ABCC5: variants seen among roughly 807,000 people sequenced by gnomAD.
ABCC5 encodes ATP-binding cassette sub-family C member 5.
Under a neutral mutation model 160.9 loss-of-function variants are expected in ABCC5, and 61 were observed. The ratio of observed to expected loss-of-function variants is 0.38; its 90% CI spans 0.31 to 0.47. ABCC5 has a LOEUF of 0.47. ABCC5 is among the 20% of genes least tolerant of loss of function. ABCC5 has a pLI of 0.99. For missense variants in ABCC5, 1,308 were observed against 1,813.3 expected (o/e 0.72, Z 5.06); for synonymous variants, 666 against 700.6 (o/e 0.95, Z 0.78).
intron 27 of ABCC5, among the ~76,000 whole-genome samples, chr3:183,928,404 G>A (rs1366337147): frequency 2.0e-5 from 3 of 152,138 alleles, no homozygotes; most frequent in African/African-American, 7.2e-5. Context: ...GAGCCACTGC[G>A]CCCGGCCACG....
Position 183,959,847 on chromosome 3 carries a change from T to TAA in ABCC5, c.2380-14_2380-13dup. 2.1e-6 allele frequency: 3 copies of TAA among 1,462,412 alleles called. No homozygotes were observed. The highest frequency in any genetic ancestry group is 2.6e-5 in the South Asian group (2 of 78,148). 90.6% of individuals were successfully genotyped at this position (1,462,412 alleles called of 1,614,324 possible). A position where few individuals can be genotyped will look rare whatever the true frequency, so the allele number is the denominator to read the frequency against. ...TTTTTTGAATTGATCTAATAATATT[T>TAA]AAAAAAAAAAGTCTCCAGTCATGTT... On this transcript the variant is annotated splice_polypyrimidine_tract_variant and intron_variant, in intron 16 of 29. Transcript: ENST00000334444.
rs1452321063 is a variant in ABCC5, at chr3:183,982,605, T to G, written c.845A>C (p.Asn282Thr). 1 of 1,614,164 alleles carries G rather than the reference T, an allele frequency of 6.2e-7. No homozygotes were observed. Among genetic ancestry groups the G allele is most frequent in the South Asian group, 1.1e-5 (1 of 91,082 alleles). Residue 282 changes from asparagine to threonine, a missense_variant, in exon 7 of 30, where the codon AAC becomes ACC. Physicochemically the swap from Asn to Thr is moderately conservative, Grantham distance 65. Around this residue, in one of 3 missense-constraint regions of ABCC5, gnomAD observed 1,142 missense variants for 1,527.1 expected, o/e 0.75. Transcript: ENST00000334444. This position sits in a 1 kb window ranked among gnomAD's most constrained non-coding sequence, Gnocchi z 5.2. ...TGCCTCAAACATTCTCTGCCCATCGTTGGAGCAAATGTTGATGAGCTATAA... is the reference window on the plus strand; with the variant it reads ...TGCCTCAAACATTCTCTGCCCATCGGTGGAGCAAATGTTGATGAGCTATAA... The part of the protein sequence containing the change: ...SLGELINICS[N>T]DGQRMFEAAA...
chr3:183,969,765 T>G (rs1010221963), intron 11 of ABCC5, among the ~76,000 whole-genome samples: 3 of 152,104 alleles, frequency 2.0e-5, no homozygotes, highest in African/African-American at 4.8e-5. Flanking sequence ...ACTCATAGTT[T>G]CAAGTGGTGT....
At chr3:183,976,080 T>C (rs1718188688) in intron 10 of ABCC5, among the ~76,000 whole-genome samples, 1 of 151,108 alleles carries the variant, frequency 6.6e-6, no homozygotes, top group Non-Finnish European at 1.5e-5. Flanking sequence ...CCATTTTTTT[T>C]CATATGACTC....
intron 12 of ABCC5, among the ~76,000 whole-genome samples, chr3:183,966,514 C>T (rs1254012831): frequency 6.6e-6 from 1 of 152,230 alleles, no homozygotes; most frequent in Non-Finnish European, 1.5e-5. Flanking sequence ...TCAACCTAAC[C>T]ACTGCCTAGT....
In ABCC5 at chr3:183,953,184, A is replaced by AG; in HGVS notation, c.2568dup (p.Ala858GlyfsTer46). On this transcript the variant is annotated frameshift_variant, in exon 18 of 30. Coordinates refer to ENST00000334444, the MANE Select transcript of ABCC5 (RefSeq NM_005688.4). LOFTEE classifies it high-confidence loss of function. ...AGGGCCATAATAACCAGGAATGCCA[A>AG]GGGGCCCCCAGCAGCCTGGATGTAG... 6.2e-7 allele frequency: 1 copy of AG among 1,614,198 alleles called. No individual in the cohort carries two copies. The highest frequency in any genetic ancestry group is 8.5e-7 in the Non-Finnish European group (1 of 1,180,028).
At position 183,952,019 on chromosome 3, in the gene ABCC5, G is replaced by A. The variant is rs142210413; in HGVS notation, c.2668-16C>T. 165 of 1,600,776 alleles carry A rather than the reference G, an allele frequency of 1.0e-4. No individual in the cohort carries two copies. The highest frequency in any genetic ancestry group is 2.5e-4 in the Admixed American group (15 of 59,818). On this transcript the variant is annotated splice_polypyrimidine_tract_variant and intron_variant, in intron 18 of 29. Transcript: ENST00000334444. ...CAGTGGTGTTCTGTTTGAAGCCAAA[G>A]TTCTATGAGGCCAGACTCCTAACGA...
chr3:183,986,841 T>C (rs1719261588), intron 5 of ABCC5: 1 of 152,194 alleles, frequency 6.6e-6, no homozygotes, highest in African/African-American at 2.4e-5. Flanking sequence ...AGTATGTTAG[T>C]TGGTCAATTA....
intron 24 of ABCC5, among the ~76,000 whole-genome samples, chr3:183,943,928 T>A (rs1051203806): frequency 6.6e-6 from 1 of 152,190 alleles, no homozygotes; most frequent in Non-Finnish European, 1.5e-5. Context: ...AGAAGAGCTA[T>A]TACTAGATAC....
At chr3:183,924,102 G>A (rs940616528) in intron 29 of ABCC5, among the ~76,000 whole-genome samples, 1 of 141,618 alleles carries the variant, frequency 7.1e-6, no homozygotes, top group African/African-American at 2.7e-5. Flanking sequence ...TGCAACCTCC[G>A]CTGCCTCCCA....
rs1409953323 is a variant in ABCC5, at chr3:183,988,695, A to G, written c.320T>C (p.Phe107Ser). 8.7e-6 allele frequency: 14 copies of G among 1,614,210 alleles called. No individual in the cohort carries two copies. The highest frequency in any genetic ancestry group is 1.1e-5 in the Non-Finnish European group (13 of 1,180,028). Reference protein sequence around the residue: ...HQHPVDNAGLFSCMTFSWLSS... With the variant: ...HQHPVDNAGLSSCMTFSWLSS... ...AAGCCACGAAAAAGTCATACAGGAAAAAAGCCCAGCATTGTCCACTGGGTG... is the reference window on the plus strand; with the variant it reads ...AAGCCACGAAAAAGTCATACAGGAAGAAAGCCCAGCATTGTCCACTGGGTG... Residue 107 changes from phenylalanine to serine, a missense_variant, in exon 4 of 30, where the codon TTT becomes TCT. Physicochemically the swap from Phe to Ser is radical, Grantham distance 155. Coordinates refer to ENST00000334444, the MANE Select transcript of ABCC5 (RefSeq NM_005688.4). This position sits in a 1 kb window ranked among gnomAD's most constrained non-coding sequence, Gnocchi z 4.4.
chr3:183,938,531 T>A (rs1350677005), intron 25 of ABCC5, among the ~76,000 whole-genome samples: 6 of 152,120 alleles, frequency 3.9e-5, no homozygotes. Flanking sequence ...ACTCCTGATC[T>A]CGTGATCCGC....
intron 8 of ABCC5, among the ~76,000 whole-genome samples, chr3:183,979,530 A>G (rs1431248706): frequency 6.6e-6 from 1 of 152,232 alleles, no homozygotes; most frequent in Non-Finnish European, 1.5e-5. Context: ...CAACCCCCAT[A>G]TTAGCAAAGC....
At chr3:183,961,736 T>G in intron 15 of ABCC5, 82 bp from the exon 16 acceptor site, 15 of 1,534,070 alleles carry the variant, frequency 9.8e-6, no homozygotes, top group Non-Finnish European at 1.1e-5. Flanking sequence ...AGTAGTTCTC[T>G]ACAGGAGACG....
At chr3:184,000,193 T>C (rs375043318) in intron 2 of ABCC5, among the ~76,000 whole-genome samples, 48 of 151,310 alleles carry the variant, frequency 3.2e-4, no homozygotes, top group African/African-American at 1.1e-3. Flanking sequence ...ACCCCGCCTG[T>C]ACAAAAAAAT....
At position 183,959,743 on chromosome 3, in the gene ABCC5, C is replaced by A; in HGVS notation, c.2472G>T (p.Lys824Asn). 6.2e-7 allele frequency: 1 copy of A among 1,610,002 alleles called. No individual in the cohort carries two copies. The highest frequency in any genetic ancestry group is 1.1e-5 in the South Asian group (1 of 89,832). ...TGSVKKEKAV[K>N]PEEGQLVQLE... ...AAAAAAGGCCATTACCTTCCTCTGG[C>A]TTTACTGCTTTTTCCTTCTTTACTG... Residue 824 changes from lysine (K) to asparagine (N), a missense_variant, in exon 17 of 30, where the codon AAG becomes AAT. Coordinates refer to ENST00000334444, the MANE Select transcript of ABCC5 (RefSeq NM_005688.4).
chr3:183,985,005 G>T, intron 5 of ABCC5: 1 of 901,910 alleles, frequency 1.1e-6, no homozygotes, highest in Non-Finnish European at 1.7e-6. Flanking sequence ...GAGGAGCAGG[G>T]AAGGTAAAAG....
chr3:183,991,458 A>AACTTTG (rs1719762735), intron 2 of ABCC5, among the ~76,000 whole-genome samples: 2 of 152,224 alleles, frequency 1.3e-5, no homozygotes, highest in Non-Finnish European at 2.9e-5. Flanking sequence ...ACCAAAGAAC[A>AACTTTG]GCGGGAACTT....
In ABCC5 at chr3:183,963,316, A is replaced by T. The variant is rs74426779; in HGVS notation, c.2235+69T>A. On this transcript the variant is annotated intron_variant, in intron 15 of 29. Transcript: ENST00000334444. This position sits in a 1 kb window ranked among gnomAD's most constrained non-coding sequence, Gnocchi z 4.6. Reference sequence around the variant, plus strand: ...CTAGTTATAACACAAGGATACCTGGAGCAAACCTACCTCCCTGTTTCTGAT... The same window carrying T: ...CTAGTTATAACACAAGGATACCTGGTGCAAACCTACCTCCCTGTTTCTGAT... 1.3e-6 allele frequency: 2 copies of T among 1,533,166 alleles called. No individual in the cohort carries two copies. Among genetic ancestry groups the T allele is most frequent in the Non-Finnish European group, 1.8e-6 (2 of 1,107,234 alleles). 95.0% of individuals were successfully genotyped at this position (1,533,166 alleles called of 1,614,324 possible). A position where few individuals can be genotyped will look rare whatever the true frequency, so the allele number is the denominator to read the frequency against.
Sources: allele counts gnomAD v4.1 joint callset (sites outside exome capture counted in the v4.1 genomes callset), GRCh38; gene constraint gnomAD v4.1.1; regional missense constraint gnomAD v4.1.1; non-coding constraint Gnocchi (gnomAD v3.1); transcripts MANE v1.5; gene names NCBI Gene and HGNC (gene_info 2026-07-23, HGNC 2026-07-21).